Variants in RECQL observed in about 807,000 individuals in gnomAD.
RECQL encodes the protein RecQ like helicase, also known as ATP-dependent DNA helicase Q1.
In RECQL, 73 loss-of-function variants were observed where a neutral mutation model predicts 75.8. The ratio of observed to expected loss-of-function variants is 0.96; its 90% confidence interval spans 0.80 to 1.17. The LOEUF (loss-of-function observed/expected upper bound fraction) is 1.17, where lower values mean the gene tolerates loss of function less well. Ranked by LOEUF, RECQL falls within the 50% of genes most tolerant of loss-of-function variation. The probability of loss-of-function intolerance (pLI) is 0.00; values close to 1 mark genes in which losing one functional copy is unlikely to be tolerated. For missense variants in RECQL, 699 were observed against 772.1 expected (o/e 0.91, Z 1.12); for synonymous variants, 248 against 254.4 (o/e 0.97, Z 0.24).
chr12:21,473,674 A>C (rs1565563360), intron 11 of RECQL, 32 bp from the exon 12 acceptor site: 2 of 1,562,168 alleles, frequency 1.3e-6, no homozygotes, highest in Non-Finnish European at 1.8e-6. Flanking sequence ...CAAATTATTA[A>C]AGGATATAAT....
chr12:21,494,824 A>G (rs12833589), intron 2 of RECQL, among the ~76,000 whole-genome samples: 28,708 of 152,154 alleles, frequency 0.19, 3,297 homozygotes, highest in East Asian at 0.29. Flanking sequence ...TGTTCTCTGT[A>G]AGCTAGGAAT....
At chr12:21,472,362 G>T (rs1942991462) in intron 12 of RECQL, among the ~76,000 whole-genome samples, 1 of 152,124 alleles carries the variant, frequency 6.6e-6, no homozygotes, top group African/African-American at 2.4e-5. Flanking sequence ...ACAGAGTAAA[G>T]TGAAAGCAAA....
At chr12:21,476,248 C>T (rs751361699) in intron 8 of RECQL, among the ~76,000 whole-genome samples, 1 of 151,996 alleles carries the variant, frequency 6.6e-6, no homozygotes, top group Non-Finnish European at 1.5e-5. Context: ...TCTTTATTTT[C>T]AGGGATGGTC....
chr12:21,497,163 C>T (rs1212369485), intron 2 of RECQL, among the ~76,000 whole-genome samples: 3 of 152,158 alleles, frequency 2.0e-5, no homozygotes, highest in African/African-American at 7.2e-5. Context: ...ATCAGGCAGG[C>T]CTCCATCATC....
At position 21,477,809 on chromosome 12, in the gene RECQL, A is replaced by G. The variant is rs2137349691; in HGVS notation, c.861T>C (p.Tyr287=). 3.7e-6 allele frequency: 6 copies of G among 1,608,602 alleles called. No homozygotes were observed. The highest frequency in any genetic ancestry group is 5.1e-6 in the Non-Finnish European group (6 of 1,176,402). The part of the protein sequence containing the change: ...FTASFNRPNL[Y]YEVRQKPSNT... ...TGACATAAAAATTACATACCTCATAATATAGATTTGGCCTATTAAAAGAAG... is the reference window on the plus strand; with the variant it reads ...TGACATAAAAATTACATACCTCATAGTATAGATTTGGCCTATTAAAAGAAG... Residue 287 remains tyrosine (Y), a synonymous_variant, in exon 7 of 15, where the codon TAT becomes TAC. Transcript: ENST00000444129.
Position 21,474,997 on chromosome 12 carries a change from T to C in RECQL, c.1217-18A>G, listed in dbSNP as rs199502847. ...ATCTCGACCTGTGGTGTGAGAAACCTTGAGATTGCAGAATTACATTTACAA... is the reference window on the plus strand; with the variant it reads ...ATCTCGACCTGTGGTGTGAGAAACCCTGAGATTGCAGAATTACATTTACAA... On this transcript the variant is annotated intron_variant, in intron 10 of 14. Transcript: ENST00000444129. 6.7e-5 allele frequency: 107 copies of C among 1,605,138 alleles called. No individual in the cohort carries two copies. The African/African-American group carries it at 1.3e-3, about 20-fold the overall frequency.
intron 4 of RECQL, among the ~76,000 whole-genome samples, chr12:21,488,218 G>C (rs1263232176): frequency 6.6e-6 from 1 of 152,142 alleles, no homozygotes; most frequent in Non-Finnish European, 1.5e-5. Context: ...TTGACATTTT[G>C]CTAACAGACA....
Position 21,471,463 on chromosome 12 carries a change from C to G in RECQL, c.1632G>C (p.Lys544Asn). 3 of 1,613,012 alleles carry G rather than the reference C, an allele frequency of 1.9e-6. No individual in the cohort carries two copies. In the South Asian group the frequency reaches 3.3e-5, roughly 18 times the overall value. Residue 544 changes from lysine to asparagine, a missense_variant, in exon 13 of 15, where the codon AAG (lysine) becomes AAC (asparagine). Coordinates refer to ENST00000444129, the MANE Select transcript of RECQL (RefSeq NM_002907.4). The stretch of plus-strand genomic sequence containing the variant: ...GCTGTATTAGAAAGTGTGCAATAAT[C>G]TTCTCCAGATCTTCACGAGGAAGTG... ...APTLPREDLE[K>N]IIAHFLIQQY...
At chr12:21,489,618 G>A (rs1023146882) in intron 4 of RECQL, among the ~76,000 whole-genome samples, 1 of 152,162 alleles carries the variant, frequency 6.6e-6, no homozygotes, top group African/African-American at 2.4e-5. Flanking sequence ...AAAGATCTGG[G>A]ACTAGAATTC....
At position 21,474,849 on chromosome 12, in the gene RECQL, G is replaced by A. The variant is rs1943050502; in HGVS notation, c.1347C>T (p.Asn449=). 3 of 1,612,466 alleles carry A rather than the reference G, an allele frequency of 1.9e-6. No individual in the cohort carries two copies. Among genetic ancestry groups the A allele is most frequent in the Non-Finnish European group, 2.5e-6 (3 of 1,178,804 alleles). Residue 449 remains asparagine, a synonymous_variant, in exon 11 of 15, where the codon AAC becomes AAT. Transcript: ENST00000444129. ...AAAGGTATGTGGCTTACTTGCTTAT[G>A]TTTTGACAGTATGATACCATCTCAT... The part of the protein sequence containing the change: ...KLYEMVSYCQ[N]ISKCRRVLMA...
chr12:21,487,226 TATATC>T (rs1943322522), intron 4 of RECQL, among the ~76,000 whole-genome samples: 1 of 152,186 alleles, frequency 6.6e-6, no homozygotes, highest in African/African-American at 2.4e-5. Context: ...TAAGACAACA[TATATC>T]AGTTCAAACA....
chr12:21,499,422 G>A, intron 2 of RECQL, 133 bp downstream of exon 2: 1 of 766,828 alleles, frequency 1.3e-6, no homozygotes, highest in Non-Finnish European at 2.1e-6. Flanking sequence ...AGTTTGTAAT[G>A]TGTATTTTAC....
In RECQL at chr12:21,501,563, C is replaced by A. The variant is rs1183046483; in HGVS notation, c.-439G>T. 1 of 269,742 alleles carries A rather than the reference C, an allele frequency of 3.7e-6. No individual in the cohort carries two copies. The highest frequency in any genetic ancestry group is 7.2e-6 in the Non-Finnish European group (1 of 138,256). 16.7% of individuals were successfully genotyped at this position (269,742 alleles called of 1,614,324 possible). A position where few individuals can be genotyped will look rare whatever the true frequency, so the allele number is the denominator to read the frequency against. ...GACTCTCGGATCTCCGACACCAAAG[C>A]ACCCAGGCCTCGAGCAGATCTTTCC... On this transcript the variant is annotated 5_prime_UTR_variant, in exon 1 of 15. Transcript: ENST00000444129.
intron 3 of RECQL, among the ~76,000 whole-genome samples, chr12:21,491,112 A>T (rs1311892014): frequency 1.3e-5 from 2 of 152,180 alleles, no homozygotes; most frequent in Non-Finnish European, 2.9e-5. Flanking sequence ...TATTCTAATT[A>T]TTCTATTATT....
Position 21,476,903 on chromosome 12 carries a change from T to A in RECQL, c.949+8A>T, listed in dbSNP as rs1208362876. 4 of 1,595,032 alleles carry A rather than the reference T, an allele frequency of 2.5e-6. No individual in the cohort carries two copies. In the African/African-American group the frequency reaches 5.4e-5, roughly 22 times the overall value. ...TCTGTCTCCAAAGTTGGTTTGTTTT[T>A]ACATTACCTGATTGCCCTTTGTATC... is the stretch of plus-strand genomic sequence containing the variant. On this transcript the variant is annotated splice_region_variant and intron_variant, in intron 8 of 14. Transcript: ENST00000444129.
At chr12:21,480,963 G>C (rs537936292) in intron 6 of RECQL, among the ~76,000 whole-genome samples, 1 of 152,004 alleles carries the variant, frequency 6.6e-6, no homozygotes, top group South Asian at 2.1e-4. Flanking sequence ...TGATATCTTC[G>C]TTTTCTTTTT....
At chr12:21,482,225 G>T (rs1943204859) in intron 6 of RECQL, among the ~76,000 whole-genome samples, 1 of 151,240 alleles carries the variant, frequency 6.6e-6, no homozygotes, top group Admixed American at 6.6e-5. Flanking sequence ...GAGTGGTCAT[G>T]GTTAGCCTTA....
chr12:21,475,686 T>A lies in RECQL; in HGVS notation c.1088A>T (p.Asn363Ile). Residue 363 changes from asparagine (N) to isoleucine (I), a missense_variant, in exon 9 of 15, where the codon AAT becomes ATT. This residue lies in a region of RECQL where 669 missense variants were observed against 713.5 expected (regional missense o/e 0.94). Coordinates refer to ENST00000444129, the MANE Select transcript of RECQL (RefSeq NM_002907.4). The stretch of plus-strand genomic sequence containing the variant: ...AGATATAGACCTAACCTGAATTTCA[T>A]TGGCTGACCATTTTCTATGAACTGT... ...KTTVHRKWSANEIQVVVATVA... is the reference protein window; with the variant it reads ...KTTVHRKWSAIEIQVVVATVA... 6.2e-7 allele frequency: 1 copy of A among 1,613,360 alleles called. No individual in the cohort carries two copies. The highest frequency in any genetic ancestry group is 8.5e-7 in the Non-Finnish European group (1 of 1,179,474).
chr12:21,495,821 G>C (rs1943497459), intron 2 of RECQL, among the ~76,000 whole-genome samples: 3 of 152,166 alleles, frequency 2.0e-5, no homozygotes, highest in Non-Finnish European at 4.4e-5. Context: ...TGTAAGGGCA[G>C]GGTTGGTGAT....
Sources: allele counts gnomAD v4.1 joint callset (sites outside exome capture counted in the v4.1 genomes callset), GRCh38; gene constraint gnomAD v4.1.1; regional missense constraint gnomAD v4.1.1; transcripts MANE v1.5; gene names NCBI Gene and HGNC (gene_info 2026-07-23, HGNC 2026-07-21).